KYAT1: variants seen among roughly 807,000 people sequenced by gnomAD.
KYAT1 encodes kynurenine aminotransferase 1, also known as kynurenine--oxoglutarate transaminase 1.
Under a neutral mutation model 52.4 loss-of-function variants are expected in KYAT1, and 47 were observed. The ratio of observed to expected loss-of-function variants is 0.90; its 90% confidence interval spans 0.71 to 1.14. The LOEUF is 1.14. Among genes scored for constraint, KYAT1 ranks in the 50% most tolerant of loss-of-function variants. The pLI is 0.00. For synonymous variants in KYAT1, 212 were observed against 209.6 expected (o/e 1.01, Z -0.10); for missense variants, 480 against 557.9 (o/e 0.86, Z 1.41).
chr9:128,845,942 G>A (rs1011864608), intron 1 of KYAT1, among the ~76,000 whole-genome samples: 4 of 152,232 alleles, frequency 2.6e-5, no homozygotes, highest in African/African-American at 9.6e-5. Flanking sequence ...GGGTGCAGGA[G>A]GGGGAGTGAT....
At chr9:128,866,949 T>C (rs763334021) in intron 1 of KYAT1, among the ~76,000 whole-genome samples, 1 of 151,698 alleles carries the variant, frequency 6.6e-6, no homozygotes. Context: ...TGCTGAAAAT[T>C]AGTCATAATT....
intron 1 of KYAT1, among the ~76,000 whole-genome samples, chr9:128,865,715 C>A (rs1338717325): frequency 6.6e-6 from 1 of 152,032 alleles, no homozygotes; most frequent in Non-Finnish European, 1.5e-5. Context: ...AAAGCCAAAG[C>A]AGCACAGATG....
intron 1 of KYAT1, among the ~76,000 whole-genome samples, 158 bp downstream of exon 1, chr9:128,881,739 C>T (rs1349668034): frequency 6.6e-6 from 1 of 152,154 alleles, no homozygotes; most frequent in Non-Finnish European, 1.5e-5. Flanking sequence ...CAGTTGATTC[C>T]CGCGGGCGGC....
At position 128,833,381 on chromosome 9, in the gene KYAT1, C is replaced by G. The variant is rs1830445459; in HGVS notation, c.*203G>C. 1 of 634,458 alleles carries G rather than the reference C, an allele frequency of 1.6e-6. No homozygotes were observed. The highest frequency in any genetic ancestry group is 1.8e-5 in the African/African-American group (1 of 54,532). The allele number at this position is 634,458 out of a possible 1,614,324, so 39.3% of individuals were successfully genotyped here. On this transcript the variant is annotated 3_prime_UTR_variant, in exon 13 of 13. Transcript: ENST00000302586. The stretch of plus-strand genomic sequence containing the variant: ...CAGGGAGAGGCCCAGGTCAGGCCAC[C>G]CTCACCTTTCAGACAGGAGGCACTT...
intron 1 of KYAT1, among the ~76,000 whole-genome samples, chr9:128,876,061 A>G (rs1275370994): frequency 6.6e-6 from 1 of 152,076 alleles, no homozygotes; most frequent in Non-Finnish European, 1.5e-5. Flanking sequence ...TGGCGTTTGG[A>G]GCCGGCTGGA....
At chr9:128,844,451 C>T (rs1261766438) in intron 2 of KYAT1, among the ~76,000 whole-genome samples, 1 of 149,454 alleles carries the variant, frequency 6.7e-6, no homozygotes, top group East Asian at 2.0e-4. Flanking sequence ...GAGGCTGAGG[C>T]GGGTGGATCA....
chr9:128,852,785 C>T (rs1469296998), intron 1 of KYAT1, among the ~76,000 whole-genome samples: 2 of 152,232 alleles, frequency 1.3e-5, no homozygotes, highest in Admixed American at 6.5e-5. Flanking sequence ...CAACTCTAGG[C>T]ATCCCTACTT....
At position 128,880,445 on chromosome 9, in the gene KYAT1, A is replaced by AT. The variant is rs201602581; in HGVS notation, c.-7+1451dup. On this transcript the variant is annotated intron_variant, in intron 1 of 12. Transcript: ENST00000302586. ...CCAGCTTCTCCACTTCCTGGCTATG[A>AT]TTTTTTTTTTTTTTTAGACGGAGTC... 6.8e-3 allele frequency among the ~76,000 whole-genome samples: 969 copies of AT among 143,310 alleles called. 3 individuals are homozygous for AT. The highest frequency in any genetic ancestry group is 0.012 in the Admixed American group (177 of 14,288). The allele number at this position is 143,310 out of a possible 152,430, so 94.0% of individuals were successfully genotyped here. A position where few individuals can be genotyped will look rare whatever the true frequency, so the allele number is the denominator to read the frequency against.
rs1255920608 is a variant in KYAT1, at chr9:128,835,549, T to C, written c.974A>G (p.Gln325Arg). The C allele has an allele frequency of 6.2e-7, 1 of 1,613,696 alleles. No individual in the cohort carries two copies. The highest frequency in any genetic ancestry group is 1.1e-5 in the South Asian group (1 of 91,084). ...GATGATGGGCTTCAGGCCCACTGAC[T>C]GTAGGCTACGTATCATGTGGTCACG... ...RCRDHMIRSL[Q>R]SVGLKPIIPQ... Residue 325 changes from glutamine (Q) to arginine (R), a missense_variant, in exon 10 of 13, where the codon CAG becomes CGG. Physicochemically the swap from Gln to Arg is conservative, Grantham distance 43. Transcript: ENST00000302586.
chr9:128,843,269 G>A (rs1832524319), intron 2 of KYAT1, among the ~76,000 whole-genome samples: 1 of 152,152 alleles, frequency 6.6e-6, no homozygotes, highest in African/African-American at 2.4e-5. Context: ...CTGCCTAAGT[G>A]TCACAGCTGG....
chr9:128,837,737 G>C lies in KYAT1; in HGVS notation c.515C>G (p.Thr172Arg), dbSNP rs559210769. Residue 172 changes from threonine (T) to arginine (R), a missense_variant, in exon 6 of 13, where the codon ACA becomes AGA. Physicochemically the swap from Thr to Arg is moderately conservative, Grantham distance 71. Coordinates refer to ENST00000302586, the MANE Select transcript of KYAT1 (RefSeq NM_004059.5). ...LDPMELAGKFTSRTKALVLNT... is the reference protein window; with the variant it reads ...LDPMELAGKFRSRTKALVLNT... ...GAGGACCAGGGCTTTGGTGCGTGAT[G>C]TGAATTTGCCGGCCAGCTCCATGGG... 7.4e-6 allele frequency: 12 copies of C among 1,614,172 alleles called. No homozygotes were observed. The Admixed American group carries it at 8.3e-5, about 11-fold the overall frequency.
intron 11 of KYAT1, among the ~76,000 whole-genome samples, 169 bp from the exon 12 acceptor site, chr9:128,833,995 C>A (rs147402184): frequency 1.3e-5 from 2 of 152,224 alleles, no homozygotes; most frequent in Admixed American, 6.5e-5. Context: ...CGGTGGCTCA[C>A]GCCTATAATC....
intron 8 of KYAT1, 57 bp from the exon 9 acceptor site, chr9:128,835,925 T>C (rs1831000771): frequency 6.2e-7 from 1 of 1,605,240 alleles, no homozygotes; most frequent in African/African-American, 1.3e-5. Context: ...TAAAGCCTTC[T>C]TCATTCTCAG....
chr9:128,835,061 T>G, intron 11 of KYAT1: 1 of 454,820 alleles, frequency 2.2e-6, no homozygotes, highest in Non-Finnish European at 4.0e-6. Context: ...GGCGTGAACC[T>G]GGGGGGCAGA....
chr9:128,833,359 G>A lies in KYAT1; in HGVS notation c.*225C>T. On this transcript the variant is annotated 3_prime_UTR_variant, in exon 13 of 13. Coordinates refer to ENST00000302586, the MANE Select transcript of KYAT1 (RefSeq NM_004059.5). ...TACAAACCCACCTATGGAGGGGCAG[G>A]GAGAGGCCCAGGTCAGGCCACCCTC... is the stretch of plus-strand genomic sequence containing the variant. The A allele has an allele frequency of 1.6e-6, 1 of 609,836 alleles. No homozygotes were observed. The highest frequency in any genetic ancestry group is 2.9e-6 in the Non-Finnish European group (1 of 344,314). 37.8% of individuals were successfully genotyped at this position (609,836 alleles called of 1,614,324 possible). A position where few individuals can be genotyped will look rare whatever the true frequency, so the allele number is the denominator to read the frequency against.
intron 1 of KYAT1, among the ~76,000 whole-genome samples, chr9:128,866,641 G>A (rs1439116592): frequency 6.6e-6 from 1 of 151,360 alleles, no homozygotes; most frequent in African/African-American, 2.4e-5. Flanking sequence ...CGGGCGCAGT[G>A]GCTCATGCCT....
At chr9:128,846,445 G>C (rs1017875321) in intron 1 of KYAT1, among the ~76,000 whole-genome samples, 1 of 151,264 alleles carries the variant, frequency 6.6e-6, no homozygotes, top group African/African-American at 2.4e-5. Context: ...AACAAACAAA[G>C]AAACTTATCT....
intron 1 of KYAT1, among the ~76,000 whole-genome samples, chr9:128,871,901 G>A (rs2130798020): frequency 6.6e-6 from 1 of 152,142 alleles, no homozygotes; most frequent in Middle Eastern, 3.4e-3. Flanking sequence ...GCTGAGGCGG[G>A]TGGATCATGA....
Position 128,875,577 on chromosome 9 carries a change from C to A in KYAT1, c.-7+6320G>T, listed in dbSNP as rs1837894095. Among the ~76,000 whole-genome samples the A allele has an allele frequency of 2.0e-5, 3 of 151,552 alleles. No homozygotes were observed. The South Asian group carries it at 6.2e-4, about 32-fold the overall frequency. On this transcript the variant is annotated intron_variant, in intron 1 of 12. Coordinates refer to ENST00000302586, the MANE Select transcript of KYAT1 (RefSeq NM_004059.5). The stretch of plus-strand genomic sequence containing the variant: ...GAAGTGAGCCAAGATTGAGCCACTG[C>A]ACTCCAGCCTGACAGCTGTCCAGGT...
Sources: allele counts gnomAD v4.1 joint callset (sites outside exome capture counted in the v4.1 genomes callset), GRCh38; gene constraint gnomAD v4.1.1; transcripts MANE v1.5; gene names NCBI Gene and HGNC (gene_info 2026-07-23, HGNC 2026-07-21).